SPRYD4: variants seen among roughly 807,000 people sequenced by gnomAD.
SPRYD4 encodes SPRY domain containing 4, also known as SPRY domain-containing protein 4.
In SPRYD4, 12 loss-of-function variants were observed where a neutral mutation model predicts 16.6. The observed-to-expected ratio is 0.72, with a 90% confidence interval of 0.46 to 1.17. The LOEUF (loss-of-function observed/expected upper bound fraction) is 1.17. Ranked by LOEUF, SPRYD4 falls within the 50% of genes most tolerant of loss-of-function variation. The pLI is 0.00. For synonymous variants in SPRYD4, 98 were observed against 105.4 expected, an observed-to-expected ratio of 0.93 and a Z score of 0.43; for missense variants, 260 against 260.2, an observed-to-expected ratio of 1.00 and a Z score of 0.00.
Position 56,475,101 on chromosome 12 carries a change from T to A in SPRYD4, c.*5524T>A. 1.2e-6 allele frequency: 2 copies of A among 1,614,138 alleles called. No homozygotes were observed. Among genetic ancestry groups the A allele is most frequent in the East Asian group, 2.2e-5 (1 of 44,878 alleles). ...AATTCCGATCCCCTGTTTCCTTCTC[T>A]GACTGGAATCTGAAGCAAACACCCA... is the stretch of plus-strand genomic sequence containing the variant. On this transcript the variant is annotated 3_prime_UTR_variant, in exon 2 of 2. Transcript: ENST00000338146.
At position 56,478,157 on chromosome 12, in the gene SPRYD4, C is replaced by T. The variant is rs776380129; in HGVS notation, c.*8580C>T. 1.2e-6 allele frequency: 2 copies of T among 1,614,236 alleles called. No homozygotes were observed. Among genetic ancestry groups the T allele is most frequent in the South Asian group, 1.1e-5 (1 of 91,084 alleles). Reference sequence around the variant, plus strand: ...TGTGTTCGGCACCTGTGCCCTGCCTCCCCTTCCTCTTGCCCAGCATCTCAC... The same window carrying T: ...TGTGTTCGGCACCTGTGCCCTGCCTTCCCTTCCTCTTGCCCAGCATCTCAC... On this transcript the variant is annotated 3_prime_UTR_variant, in exon 2 of 2. Transcript: ENST00000338146.
chr12:56,473,143 C>T lies in SPRYD4; in HGVS notation c.*3566C>T, dbSNP rs1186570592. ...TGACCTTGTGATCCGCCCGCCTTGG[C>T]CTCTCAAAGTGCAGGGATTACAGGC... On this transcript the variant is annotated 3_prime_UTR_variant, in exon 2 of 2. Coordinates refer to ENST00000338146, the MANE Select transcript of SPRYD4 (RefSeq NM_207344.4). The T allele has an allele frequency of 4.0e-6, 5 of 1,247,504 alleles. No homozygotes were observed. The African/African-American group carries it at 6.0e-5, about 15-fold the overall frequency. The allele number at this position is 1,247,504 out of a possible 1,614,324, so 77.3% of individuals were successfully genotyped here. A position where few individuals can be genotyped will look rare whatever the true frequency, so the allele number is the denominator to read the frequency against.
At chr12:56,468,827 G>C in intron 1 of SPRYD4, 151 bp downstream of exon 1, 9 of 1,056,978 alleles carry the variant, frequency 8.5e-6, no homozygotes, top group Non-Finnish European at 1.2e-5. Context: ...ATACCATTTG[G>C]TTTCTTTAAA....
chr12:56,478,439 A>AT lies in SPRYD4; in HGVS notation c.*8863dup. The AT allele has an allele frequency of 1.6e-6, 1 of 626,892 alleles. No homozygotes were observed. The highest frequency in any genetic ancestry group is 1.9e-5 in the South Asian group (1 of 51,836). The allele number at this position is 626,892 out of a possible 1,614,324, so 38.8% of individuals were successfully genotyped here. On this transcript the variant is annotated 3_prime_UTR_variant, in exon 2 of 2. Transcript: ENST00000338146. ...CCCGAGCCTTAAGTCCTAGAAGGCC[A>AT]TATCTTTGTGTATCCGCAATCCTGT...
At position 56,472,688 on chromosome 12, in the gene SPRYD4, AC is replaced by A; in HGVS notation, c.*3113del. ...GTGTATATTTGGTCACAGTAGCATT[AC>A]CTTCGAAGAGCTGAGACATCGCCAC... On this transcript the variant is annotated 3_prime_UTR_variant, in exon 2 of 2. Coordinates refer to ENST00000338146, the MANE Select transcript of SPRYD4 (RefSeq NM_207344.4). 6.2e-7 allele frequency: 1 copy of A among 1,613,452 alleles called. No individual in the cohort carries two copies. The highest frequency in any genetic ancestry group is 8.5e-7 in the Non-Finnish European group (1 of 1,179,514).
At position 56,469,147 on chromosome 12, in the gene SPRYD4, C is replaced by A. The variant is rs1450049894; in HGVS notation, c.194C>A (p.Ala65Asp). The change falls in exon 2 of 2, where the codon GCC (alanine) becomes GAC (aspartate). Residue 65 changes from alanine to aspartate, a missense_variant. Ala to Asp is a moderately radical substitution (Grantham distance 126). Coordinates refer to ENST00000338146, the MANE Select transcript of SPRYD4 (RefSeq NM_207344.4). ...GLVGLEPTKV[A>D]LNVERFREWA... Reference sequence around the variant, plus strand: ...GTGGGATTGGAGCCCACCAAGGTGGCCTTGAATGTGGAGCGCTTCCGGGAG... The same window carrying A: ...GTGGGATTGGAGCCCACCAAGGTGGACTTGAATGTGGAGCGCTTCCGGGAG... 1.2e-6 allele frequency: 2 copies of A among 1,614,014 alleles called. No homozygotes were observed. The highest frequency in any genetic ancestry group is 1.7e-5 in the Admixed American group (1 of 60,014).
rs778740236 is a variant in SPRYD4, at chr12:56,471,870, G to A, written c.*2293G>A. ...ATGGGCAGAAGGAAAATGAGAAGGCGCAGGTCTTGAACCCTTTGGTGCAGA... is the reference window on the plus strand; with the variant it reads ...ATGGGCAGAAGGAAAATGAGAAGGCACAGGTCTTGAACCCTTTGGTGCAGA... On this transcript the variant is annotated 3_prime_UTR_variant, in exon 2 of 2. Coordinates refer to ENST00000338146, the MANE Select transcript of SPRYD4 (RefSeq NM_207344.4). 4.4e-6 allele frequency: 7 copies of A among 1,604,478 alleles called. No individual in the cohort carries two copies. Among genetic ancestry groups the A allele is most frequent in the East Asian group, 2.2e-5 (1 of 44,842 alleles).
Position 56,469,889 on chromosome 12 carries a change from G to T in SPRYD4, c.*312G>T. The T allele has an allele frequency of 2.9e-6, 1 of 348,166 alleles. No homozygotes were observed. The highest frequency in any genetic ancestry group is 5.4e-6 in the Non-Finnish European group (1 of 186,856). 21.6% of individuals were successfully genotyped at this position (348,166 alleles called of 1,614,324 possible). On this transcript the variant is annotated 3_prime_UTR_variant, in exon 2 of 2. Coordinates refer to ENST00000338146, the MANE Select transcript of SPRYD4 (RefSeq NM_207344.4). ...CTTTCTCAGACTGTATTCCATCCTGGGGTCTTATCATTCAGCTTTGTTTGA... is the reference window on the plus strand; with the variant it reads ...CTTTCTCAGACTGTATTCCATCCTGTGGTCTTATCATTCAGCTTTGTTTGA...
In SPRYD4 at chr12:56,476,091, G is replaced by T; in HGVS notation, c.*6514G>T. 1 of 994,120 alleles carries T rather than the reference G, an allele frequency of 1.0e-6. No homozygotes were observed. Among genetic ancestry groups the T allele is most frequent in the Non-Finnish European group, 1.5e-6 (1 of 648,964 alleles). The allele number at this position is 994,120 out of a possible 1,614,324, so 61.6% of individuals were successfully genotyped here. A position where few individuals can be genotyped will look rare whatever the true frequency, so the allele number is the denominator to read the frequency against. ...AGTCTGGTCCTGCTGCTGCAAATGTGTTCAATTTTATAATGGCCCTTTTTT... is the reference window on the plus strand; with the variant it reads ...AGTCTGGTCCTGCTGCTGCAAATGTTTTCAATTTTATAATGGCCCTTTTTT... On this transcript the variant is annotated 3_prime_UTR_variant, in exon 2 of 2. Coordinates refer to ENST00000338146, the MANE Select transcript of SPRYD4 (RefSeq NM_207344.4).
chr12:56,471,926 G>T lies in SPRYD4; in HGVS notation c.*2349G>T. The T allele has an allele frequency of 7.0e-7, 1 of 1,429,712 alleles. No homozygotes were observed. 88.6% of individuals were successfully genotyped at this position (1,429,712 alleles called of 1,614,324 possible). ...AGCCACTGAAGTCTTTACCAAGAGG[G>T]GAGGGGAAAAGGCCTCTTCCCATTT... On this transcript the variant is annotated 3_prime_UTR_variant, in exon 2 of 2. Coordinates refer to ENST00000338146, the MANE Select transcript of SPRYD4 (RefSeq NM_207344.4).
chr12:56,479,248 G>T lies in SPRYD4; in HGVS notation c.*9671G>T, dbSNP rs535191996. The T allele has an allele frequency of 6.4e-7, 1 of 1,573,650 alleles. No homozygotes were observed. Among genetic ancestry groups the T allele is most frequent in the African/African-American group, 1.3e-5 (1 of 74,160 alleles). On this transcript the variant is annotated 3_prime_UTR_variant, in exon 2 of 2. Coordinates refer to ENST00000338146, the MANE Select transcript of SPRYD4 (RefSeq NM_207344.4). Reference sequence around the variant, plus strand: ...CAGCTGGGACTCACTCTGGAGCCACGGAAATTGGGAATAAAGAAGGTTGAG... The same window carrying T: ...CAGCTGGGACTCACTCTGGAGCCACTGAAATTGGGAATAAAGAAGGTTGAG...
chr12:56,469,790 A>C lies in SPRYD4; in HGVS notation c.*213A>C. 1.7e-6 allele frequency: 1 copy of C among 578,010 alleles called. No individual in the cohort carries two copies. Among genetic ancestry groups the C allele is most frequent in the Non-Finnish European group, 3.1e-6 (1 of 326,540 alleles). 35.8% of individuals were successfully genotyped at this position (578,010 alleles called of 1,614,324 possible). Reference sequence around the variant, plus strand: ...TTTTCCCCACCCACCAACTACTGCCAATTTCCTAGGCTACCATGGGTGTAT... The same window carrying C: ...TTTTCCCCACCCACCAACTACTGCCCATTTCCTAGGCTACCATGGGTGTAT... On this transcript the variant is annotated 3_prime_UTR_variant, in exon 2 of 2. Coordinates refer to ENST00000338146, the MANE Select transcript of SPRYD4 (RefSeq NM_207344.4).
rs1243716933 is a variant in SPRYD4, at chr12:56,478,283, A to G, written c.*8706A>G. On this transcript the variant is annotated 3_prime_UTR_variant, in exon 2 of 2. Transcript: ENST00000338146. The stretch of plus-strand genomic sequence containing the variant: ...GCCACCTGGACATGAGTGGGTAGAG[A>G]AAAGGGAGATGGATGTGGAGAAGAG... 6.2e-7 allele frequency: 1 copy of G among 1,611,204 alleles called. No individual in the cohort carries two copies. Among genetic ancestry groups the G allele is most frequent in the Non-Finnish European group, 8.5e-7 (1 of 1,177,360 alleles).
rs962059060 is a variant in SPRYD4 at position 56,474,312 on chromosome 12, C to G, written c.*4735C>G. On this transcript the variant is annotated 3_prime_UTR_variant, in exon 2 of 2. Transcript: ENST00000338146. ...CCATGTAGGTCAGGCTGGTCTCGAA[C>G]TCCTGACCTCAGGTGATCCACCTGC... The G allele has an allele frequency of 4.9e-5, 26 of 533,340 alleles. No individual in the cohort carries two copies. The highest frequency in any genetic ancestry group is 2.0e-5 in the South Asian group (1 of 49,564). 33.0% of individuals were successfully genotyped at this position (533,340 alleles called of 1,614,324 possible).
chr12:56,471,352 C>T lies in SPRYD4; in HGVS notation c.*1775C>T. The stretch of plus-strand genomic sequence containing the variant: ...GGTATTTTGACTCCCATAGAAAGCA[C>T]TAGCCTAAGTCACCAAATGACTGCT... On this transcript the variant is annotated 3_prime_UTR_variant, in exon 2 of 2. Transcript: ENST00000338146. The T allele has an allele frequency of 2.1e-6, 2 of 957,864 alleles. No homozygotes were observed. Among genetic ancestry groups the T allele is most frequent in the Non-Finnish European group, 3.0e-6 (2 of 662,134 alleles). The allele number at this position is 957,864 out of a possible 1,614,324, so 59.3% of individuals were successfully genotyped here. A position where few individuals can be genotyped will look rare whatever the true frequency, so the allele number is the denominator to read the frequency against.
At position 56,479,062 on chromosome 12, in the gene SPRYD4, G is replaced by T. The variant is rs922624961; in HGVS notation, c.*9485G>T. On this transcript the variant is annotated 3_prime_UTR_variant, in exon 2 of 2. Coordinates refer to ENST00000338146, the MANE Select transcript of SPRYD4 (RefSeq NM_207344.4). ...TCCCCTGACTCTCACTTTGCCTCCA[G>T]TGAGCTCTTTGACATCCTCAAAGAT... 1.2e-6 allele frequency: 2 copies of T among 1,613,102 alleles called. No individual in the cohort carries two copies. The highest frequency in any genetic ancestry group is 2.7e-5 in the African/African-American group (2 of 74,656).
Position 56,469,519 on chromosome 12 carries a change from C to T in SPRYD4, c.566C>T (p.Ala189Val). The T allele has an allele frequency of 1.2e-6, 2 of 1,614,092 alleles. No individual in the cohort carries two copies. Reference sequence around the variant, plus strand: ...CGGGGTCCAGTGGTGCCTGCCTTTGCTCTCTGGGATGGGGAGCTGCTGACC... The same window carrying T: ...CGGGGTCCAGTGGTGCCTGCCTTTGTTCTCTGGGATGGGGAGCTGCTGACC... Reference protein sequence around the residue: ...DFRGPVVPAFALWDGELLTHS... With the variant: ...DFRGPVVPAFVLWDGELLTHS... The change falls in exon 2 of 2, where the codon GCT becomes GTT. Residue 189 changes from alanine (A) to valine (V), a missense_variant. Coordinates refer to ENST00000338146, the MANE Select transcript of SPRYD4 (RefSeq NM_207344.4).
rs747171977 is a variant in SPRYD4 at position 56,477,633 on chromosome 12, C to T, written c.*8056C>T. The T allele has an allele frequency of 1.9e-6, 3 of 1,604,786 alleles. No homozygotes were observed. Among genetic ancestry groups the T allele is most frequent in the African/African-American group, 2.7e-5 (2 of 74,548 alleles). On this transcript the variant is annotated 3_prime_UTR_variant, in exon 2 of 2. Transcript: ENST00000338146. ...AACACAGGAGCTTAGAGGATAATAC[C>T]TATCAGAAGGTTAAGGTGGCACTGA...
rs575778596 is a variant in SPRYD4, at chr12:56,473,897, G to A, written c.*4320G>A. ...AATAAACAGGTAAATAAATAGACACGTAATGTTTAAAGTAATTGTGATAAA... is the reference window on the plus strand; with the variant it reads ...AATAAACAGGTAAATAAATAGACACATAATGTTTAAAGTAATTGTGATAAA... On this transcript the variant is annotated 3_prime_UTR_variant, in exon 2 of 2. Coordinates refer to ENST00000338146, the MANE Select transcript of SPRYD4 (RefSeq NM_207344.4). 6.9e-5 allele frequency: 19 copies of A among 276,668 alleles called. No homozygotes were observed. The highest frequency in any genetic ancestry group is 3.8e-4 in the Admixed American group (8 of 20,968). The allele number at this position is 276,668 out of a possible 1,614,324, so 17.1% of individuals were successfully genotyped here. A position where few individuals can be genotyped will look rare whatever the true frequency, so the allele number is the denominator to read the frequency against.
Sources: gnomAD v4.1 joint callset for allele counts on GRCh38, gnomAD v4.1.1 for gene constraint, MANE v1.5 for transcripts, NCBI Gene and HGNC (gene_info 2026-07-23, HGNC 2026-07-21) for gene names.